The following ABCA8 variants were observed in gnomAD, a reference collection of about 807,000 sequenced individuals.
ABCA8 encodes ABC-type organic anion transporter ABCA8.
A neutral mutation model predicts 192.3 loss-of-function variants in ABCA8; 177 were observed. The ratio of observed to expected loss-of-function variants is 0.92; its 90% CI spans 0.81 to 1.04. The LOEUF (loss-of-function observed/expected upper bound fraction) is 1.04. Ranked by LOEUF, ABCA8 falls within the 50% of genes least tolerant of loss-of-function variation. ABCA8 has a pLI of 0.00. For synonymous variants in ABCA8, 642 were observed against 690.2 expected, an observed-to-expected ratio of 0.93 and a Z score of 1.09; for missense variants, 1,915 against 1,904.8, an observed-to-expected ratio of 1.01 and a Z score of -0.10.
At chr17:68,872,876 C>T (rs1320908977) in intron 37 of ABCA8, among the ~76,000 whole-genome samples, 5 of 151,986 alleles carry the variant, frequency 3.3e-5, no homozygotes, top group Non-Finnish European at 5.9e-5. Context: ...TATTTTTGTA[C>T]AGCCATACAA....
In ABCA8 at chr17:68,924,852, G is replaced by C. The variant is rs149873456; in HGVS notation, c.1291C>G (p.Arg431Gly). 1.9e-6 allele frequency: 3 copies of C among 1,613,892 alleles called. No homozygotes were observed. In the East Asian group the frequency reaches 6.7e-5, roughly 36 times the overall value. ...GACTTCAGGAAAAACAAAGGTGGAC[G>C]TCGATGTCCATATTCATCTACATGG... ...KILPNEYGHR[R>G]PPLFFLKSSF... is the part of the protein sequence containing the mutation. The change falls in exon 11 of 40, where the codon CGT becomes GGT. Residue 431 changes from arginine to glycine, a missense_variant. Coordinates refer to ENST00000586539, the MANE Select transcript of ABCA8 (RefSeq NM_001288985.2).
At chr17:68,927,580 A>C (rs1456677529) in intron 10 of ABCA8, among the ~76,000 whole-genome samples, 4 of 152,144 alleles carry the variant, frequency 2.6e-5, no homozygotes, top group Non-Finnish European at 5.9e-5. Context: ...CGAGCTAAAC[A>C]GTTAGACATA....
chr17:68,921,602 G>C (rs1268041369), intron 12 of ABCA8, 110 bp from the exon 13 acceptor site: 2 of 565,108 alleles, frequency 3.5e-6, no homozygotes, highest in South Asian at 6.8e-5. Flanking sequence ...TAATTCTCTT[G>C]AATGGTTGTC....
rs560601619 is a variant in ABCA8 at position 68,918,109 on chromosome 17, C to G, written c.1985G>C (p.Arg662Pro). ...GAAGAGGATCACGCGGTCTGTTTTG[C>G]GTTCTTTCAGAAGGTTCCATACTTG... ...RHQVWNLLKE[R>P]KTDRVILFST... The change falls in exon 16 of 40, where the codon CGC becomes CCC. Residue 662 changes from arginine (R) to proline (P), a missense_variant. Coordinates refer to ENST00000586539, the MANE Select transcript of ABCA8 (RefSeq NM_001288985.2). The G allele has an allele frequency of 2.9e-5, 47 of 1,614,012 alleles. 2 individuals carry two copies. The Admixed American group carries it at 7.2e-4, about 25-fold the overall frequency.
rs558708033 is a variant in ABCA8, at chr17:68,932,867, G to T, written c.570+301C>A. Among the ~76,000 whole-genome samples the T allele has an allele frequency of 1.1e-3, 169 of 152,278 alleles. 1 individual carries two copies. Among genetic ancestry groups the T allele is most frequent in the African/African-American group, 3.9e-3 (162 of 41,554 alleles). ...AGGCATTCTTCCATGGCATTCTAAGGCTGAGAGGTTTTTACTCATTTACTT... is the reference window on the plus strand; with the variant it reads ...AGGCATTCTTCCATGGCATTCTAAGTCTGAGAGGTTTTTACTCATTTACTT... On this transcript the variant is annotated intron_variant, in intron 6 of 39. Coordinates refer to ENST00000586539, the MANE Select transcript of ABCA8 (RefSeq NM_001288985.2).
At chr17:68,880,085 T>A (rs1406416244) in intron 32 of ABCA8, 1 of 151,598 alleles carries the variant, frequency 6.6e-6, no homozygotes, top group African/African-American at 2.4e-5. Context: ...TGACCCAGAG[T>A]GAGAACTTAT....
In ABCA8 at chr17:68,932,418, C is replaced by A; in HGVS notation, c.667G>T (p.Asp223Tyr). The A allele has an allele frequency of 1.9e-6, 3 of 1,613,978 alleles. No homozygotes were observed. Among genetic ancestry groups the A allele is most frequent in the Middle Eastern group, 1.6e-4 (1 of 6,062 alleles). Residue 223 changes from aspartate (D) to tyrosine (Y), a missense_variant, in exon 7 of 40, where the codon GAT becomes TAT. Coordinates refer to ENST00000586539, the MANE Select transcript of ABCA8 (RefSeq NM_001288985.2). The stretch of plus-strand genomic sequence containing the variant: ...ATAATGCAGGAAAAAAGGTACAAAT[C>A]AGTTATAACTCCTGATTGACCAATG... ...SFIGQSGVITDLYLFSCIISF... is the reference protein window; with the variant it reads ...SFIGQSGVITYLYLFSCIISF...
chr17:68,873,024 T>C (rs1157409341), intron 37 of ABCA8, among the ~76,000 whole-genome samples: 1 of 152,222 alleles, frequency 6.6e-6, no homozygotes, highest in African/African-American at 2.4e-5. Context: ...AGCCTAAGTG[T>C]ACAGTGTTTA....
Position 68,903,484 on chromosome 17 carries a change from C to T in ABCA8, c.2414G>A (p.Gly805Glu), listed in dbSNP as rs1355879475. The T allele has an allele frequency of 6.2e-7, 1 of 1,614,064 alleles. No homozygotes were observed. The highest frequency in any genetic ancestry group is 2.2e-5 in the East Asian group (1 of 44,864). Reference protein sequence around the residue: ...TINESDIAILGEVQAEKADDT... With the variant: ...TINESDIAILEEVQAEKADDT... ...GTCAGCTTTTTCCGCTTGTACTTCT[C>T]CCAAAATAGCAATGTCTGCAAAACA... The change falls in exon 20 of 40, where the codon GGA becomes GAA. Residue 805 changes from glycine to glutamate, a missense_variant. Transcript: ENST00000586539.
intron 24 of ABCA8, among the ~76,000 whole-genome samples, chr17:68,889,858 C>T (rs2066583616): frequency 6.6e-6 from 1 of 152,100 alleles, no homozygotes; most frequent in East Asian, 1.9e-4. Context: ...TGAGACTCAC[C>T]TGTGTTGGTG....
At chr17:68,895,583 T>C (rs542327859) in intron 21 of ABCA8, among the ~76,000 whole-genome samples, 7 of 152,320 alleles carry the variant, frequency 4.6e-5, no homozygotes, top group African/African-American at 1.4e-4. Context: ...CACTGAGAAA[T>C]TGTGGCATTT....
At chr17:68,941,826 A>G (rs886780821) in intron 3 of ABCA8, 113 bp downstream of exon 3, 1 of 673,054 alleles carries the variant, frequency 1.5e-6, no homozygotes. Context: ...ACGTTGCTGT[A>G]TTTTAGTGTT....
At chr17:68,928,505 TTTATAA>T in intron 9 of ABCA8, among the ~76,000 whole-genome samples, 1 of 152,218 alleles carries the variant, frequency 6.6e-6, no homozygotes. Flanking sequence ...TAATGAGCTC[TTTATAA>T]TTAACAATCC....
Position 68,917,356 on chromosome 17 carries a change from C to T in ABCA8, c.2138+5G>A. ...TCTACTCCCAGCCTTCTTAAGTGAC[C>T]TTACCTTAAGTGATATCCAATCCCC... On this transcript the variant is annotated splice_donor_5th_base_variant and intron_variant, in intron 17 of 39. Transcript: ENST00000586539. 6.3e-7 allele frequency: 1 copy of T among 1,596,108 alleles called. No homozygotes were observed. Among genetic ancestry groups the T allele is most frequent in the East Asian group, 2.2e-5 (1 of 44,594 alleles).
chr17:68,917,331 T>C (rs1325726453), intron 17 of ABCA8, 30 bp downstream of exon 17: 1 of 1,398,188 alleles, frequency 7.2e-7, no homozygotes, highest in South Asian at 1.2e-5. Context: ...TTACACTAGA[T>C]CTACTCCCAG....
chr17:68,873,235 A>G (rs564834258), intron 37 of ABCA8, among the ~76,000 whole-genome samples: 2 of 152,292 alleles, frequency 1.3e-5, no homozygotes, highest in African/African-American at 4.8e-5. Flanking sequence ...TTGTGTTACA[A>G]TTGCCTACAG....
At position 68,923,109 on chromosome 17, in the gene ABCA8, A is replaced by C. The variant is rs1039914881; in HGVS notation, c.1443-809T>G. On this transcript the variant is annotated intron_variant, in intron 11 of 39. Coordinates refer to ENST00000586539, the MANE Select transcript of ABCA8 (RefSeq NM_001288985.2). ...AGGTAAGTATATAATCCATAGGCCA[A>C]ATCAAATTTATGTTTCTTATTTTAT... Among the ~76,000 whole-genome samples the C allele has an allele frequency of 4.6e-5, 7 of 152,286 alleles. No individual in the cohort carries two copies. The East Asian group carries it at 9.6e-4, about 21-fold the overall frequency.
In ABCA8 at chr17:68,929,560, C is replaced by T. The variant is rs748145513; in HGVS notation, c.939+1G>A. ...GAAAGATATTTAATTCACTAACTCA[C>T]CAAAGATAATCCATACAGGAGAAAG... On this transcript the variant is annotated splice_donor_variant, in intron 8 of 39. Coordinates refer to ENST00000586539, the MANE Select transcript of ABCA8 (RefSeq NM_001288985.2). LOFTEE classifies it high-confidence loss of function. The T allele has an allele frequency of 4.3e-6, 7 of 1,609,894 alleles. No homozygotes were observed. The highest frequency in any genetic ancestry group is 2.2e-5 in the East Asian group (1 of 44,804).
chr17:68,875,205 C>A, intron 37 of ABCA8, 55 bp downstream of exon 37: 2 of 1,605,030 alleles, frequency 1.2e-6, no homozygotes. Flanking sequence ...CTCAACATAA[C>A]TGACAAGTAA....
Sources: gnomAD v4.1 joint callset for allele counts (sites outside exome capture counted in the v4.1 genomes callset) on GRCh38, gnomAD v4.1.1 for gene constraint, MANE v1.5 for transcripts, NCBI Gene and HGNC (gene_info 2026-07-23, HGNC 2026-07-21) for gene names.